The following SRM variants were observed in gnomAD, a reference collection of about 807,000 sequenced individuals.
The protein encoded by SRM is spermidine synthase.
In SRM, 14 loss-of-function variants were observed where a neutral mutation model predicts 39.3. That is an observed-to-expected ratio of 0.36 (90% CI 0.24 to 0.56). The LOEUF (loss-of-function observed/expected upper bound fraction) is 0.56. Ranked by LOEUF, SRM falls within the 20% of genes least tolerant of loss-of-function variation. The pLI is 0.86. For missense variants in SRM, 244 were observed against 409.2 expected (o/e 0.60, Z 3.48); for synonymous variants, 195 against 173.1 (o/e 1.13, Z -0.99).
chr1:11,058,708 A>T lies in SRM; in HGVS notation c.381+92T>A, dbSNP rs533317808. On this transcript the variant is annotated intron_variant, in intron 3 of 7. Coordinates refer to ENST00000376957, the MANE Select transcript of SRM (RefSeq NM_003132.3). ...TTTTCCAGATGGAGAAACAGGCCCT[A>T]CCTGCCTTGCTCGGGGGTGTGCAGC... The T allele has an allele frequency of 3.0e-5, 34 of 1,125,160 alleles. No individual in the cohort carries two copies. In the African/African-American group the frequency reaches 4.4e-4, roughly 15 times the overall value. The allele number at this position is 1,125,160 out of a possible 1,614,324, so 69.7% of individuals were successfully genotyped here.
chr1:11,059,002 C>T, intron 2 of SRM, 110 bp from the exon 3 acceptor site: 2 of 1,306,230 alleles, frequency 1.5e-6, no homozygotes, highest in Admixed American at 5.2e-5. Flanking sequence ...CTTTTTCTAC[C>T]CTCGGAAACG....
In SRM at chr1:11,056,749, G is replaced by C; in HGVS notation, c.390C>G (p.Ile130Met). Residue 130 changes from isoleucine (I) to methionine (M), a missense_variant, in exon 4 of 8, where the codon ATC becomes ATG. Ile to Met is a conservative substitution (Grantham distance 10). Transcript: ENST00000376957. ...CTGGCAGGAACTTCTTGGAGACTTGGATGACATCCTGGAGGGGATGGGAGG... is the reference window on the plus strand; with the variant it reads ...CTGGCAGGAACTTCTTGGAGACTTGCATGACATCCTGGAGGGGATGGGAGG... ...VVQCEIDEDV[I>M]QVSKKFLPGM... 6.2e-7 allele frequency: 1 copy of C among 1,614,196 alleles called. No individual in the cohort carries two copies. Among genetic ancestry groups the C allele is most frequent in the East Asian group, 2.2e-5 (1 of 44,888 alleles).
At chr1:11,055,752 A>G in intron 6 of SRM, 29 bp downstream of exon 6, 1 of 1,466,030 alleles carries the variant, frequency 6.8e-7, no homozygotes, top group Non-Finnish European at 9.3e-7. Flanking sequence ...CTTCCCCCCA[A>G]CCCCCACCCC....
In SRM at chr1:11,056,584, G is replaced by A. The variant is rs1638882001; in HGVS notation, c.535+20C>T. Reference sequence around the variant, plus strand: ...AGACCTGCAGCTGCCAGAAAACCCTGGGGCCCATCCACTGCTTACCCATGG... The same window carrying A: ...AGACCTGCAGCTGCCAGAAAACCCTAGGGCCCATCCACTGCTTACCCATGG... On this transcript the variant is annotated intron_variant, in intron 4 of 7. Coordinates refer to ENST00000376957, the MANE Select transcript of SRM (RefSeq NM_003132.3). 6.2e-7 allele frequency: 1 copy of A among 1,613,434 alleles called. No individual in the cohort carries two copies.
At chr1:11,058,086 G>A (rs1638911362) in intron 3 of SRM, among the ~76,000 whole-genome samples, 1 of 152,026 alleles carries the variant, frequency 6.6e-6, no homozygotes, top group Admixed American at 6.6e-5. Flanking sequence ...GCCATCTGAT[G>A]TCTCCTTTAA....
chr1:11,059,711 G>T, intron 1 of SRM, 66 bp downstream of exon 1: 1 of 1,505,476 alleles, frequency 6.6e-7, no homozygotes, highest in Non-Finnish European at 8.8e-7. Context: ...GGAGAGGCCC[G>T]TGAGGCGGGC....
At chr1:11,055,186 C>T in intron 6 of SRM, 102 bp from the exon 7 acceptor site, 1 of 1,428,296 alleles carries the variant, frequency 7.0e-7, no homozygotes, top group Admixed American at 2.6e-5. Flanking sequence ...GGCGTCATCT[C>T]AGCTCACTGC....
At chr1:11,056,864 A>C in intron 3 of SRM, 107 bp from the exon 4 acceptor site, 1 of 1,138,438 alleles carries the variant, frequency 8.8e-7, no homozygotes, top group Non-Finnish European at 1.3e-6. Flanking sequence ...CGCCTTGGCC[A>C]ACCCCTTCCC....
rs1232701385 is a variant in SRM at position 11,059,815 on chromosome 1, G to A, written c.129C>T (p.His43=). Residue 43 remains histidine, a synonymous_variant, in exon 1 of 8, where the codon CAC becomes CAT. Transcript: ENST00000376957. The stretch of plus-strand genomic sequence containing the variant: ...GGATGTCCTGGTAGCGCGAGCGCCG[G>A]TGGTGGAGCAGCTGCTCCACCTGCA... ...LSLQVEQLLH[H]RRSRYQDILV... is the part of the protein sequence containing the mutation. The A allele has an allele frequency of 1.9e-6, 3 of 1,577,648 alleles. No individual in the cohort carries two copies. Among genetic ancestry groups the A allele is most frequent in the Non-Finnish European group, 2.6e-6 (3 of 1,171,494 alleles).
chr1:11,057,246 T>G (rs1391555508), intron 3 of SRM, among the ~76,000 whole-genome samples: 1 of 152,080 alleles, frequency 6.6e-6, no homozygotes, highest in Non-Finnish European at 1.5e-5. Flanking sequence ...GCCGGCGGCT[T>G]GGGCTCCTCT....
chr1:11,055,457 C>T (rs1570765914), intron 6 of SRM, among the ~76,000 whole-genome samples: 2 of 151,134 alleles, frequency 1.3e-5, no homozygotes, highest in Middle Eastern at 6.8e-3. Flanking sequence ...CTCTGTTACC[C>T]AGGCTGGAAT....
chr1:11,059,573 G>GGGC (rs1638940648), intron 1 of SRM: 1 of 907,424 alleles, frequency 1.1e-6, no homozygotes, highest in Non-Finnish European at 1.6e-6. Flanking sequence ...ACGTGGAGCG[G>GGGC]GGCGCAGACT....
intron 3 of SRM, 95 bp downstream of exon 3, chr1:11,058,705 C>T (rs773893545): frequency 8.3e-6 from 9 of 1,089,570 alleles, no homozygotes; most frequent in Middle Eastern, 2.0e-4. Context: ...AGAAACAGGC[C>T]CTACCTGCCT....
Position 11,057,297 on chromosome 1 carries a change from T to A in SRM, c.382-540A>T, listed in dbSNP as rs568338034. The stretch of plus-strand genomic sequence containing the variant: ...CCTCCTTCCAGACCAAATCGCCCCA[T>A]CTGAGTGGCTTTCTTGTCGCTTCCT... On this transcript the variant is annotated intron_variant, in intron 3 of 7. Coordinates refer to ENST00000376957, the MANE Select transcript of SRM (RefSeq NM_003132.3). Among the ~76,000 whole-genome samples, 5 of 151,386 alleles carry A rather than the reference T, an allele frequency of 3.3e-5. No individual in the cohort carries two copies. In the East Asian group the frequency reaches 9.8e-4, roughly 30 times the overall value.
At chr1:11,056,879 T>A in intron 3 of SRM, 122 bp from the exon 4 acceptor site, 7 of 954,006 alleles carry the variant, frequency 7.3e-6, no homozygotes, top group Non-Finnish European at 9.2e-6. Flanking sequence ...CTTCCCTTTT[T>A]TTTATTATTT....
Position 11,059,284 on chromosome 1 carries a change from A to G in SRM, c.229T>C (p.Phe77Leu). The stretch of plus-strand genomic sequence containing the variant: ...TTGGCGATCATCTCCTGGTAGGAGA[A>G]CTCGTCTCTCTCCGTGCACTGGATG... ...GVIQCTERDEFSYQEMIANLP... is the reference protein window; with the variant it reads ...GVIQCTERDELSYQEMIANLP... The change falls in exon 2 of 8, where the codon TTC (phenylalanine) becomes CTC (leucine). Residue 77 changes from phenylalanine (F) to leucine (L), a missense_variant. Coordinates refer to ENST00000376957, the MANE Select transcript of SRM (RefSeq NM_003132.3). 3 of 1,613,464 alleles carry G rather than the reference A, an allele frequency of 1.9e-6. No homozygotes were observed. Among genetic ancestry groups the G allele is most frequent in the Non-Finnish European group, 2.5e-6 (3 of 1,179,922 alleles).
intron 1 of SRM, 200 bp downstream of exon 1, chr1:11,059,577 G>A: frequency 2.2e-6 from 2 of 902,796 alleles, no homozygotes; most frequent in Non-Finnish European, 3.3e-6. Flanking sequence ...GGAGCGGGGC[G>A]CAGACTCCGA....
chr1:11,054,976 C>T lies in SRM; in HGVS notation c.874G>A (p.Glu292Lys). The change falls in exon 7 of 8, where the codon GAG (glutamate) becomes AAG (lysine). Residue 292 changes from glutamate (E) to lysine (K), a missense_variant. Coordinates refer to ENST00000376957, the MANE Select transcript of SRM (RefSeq NM_003132.3). The surrounding 1 kb of genome is among the most constrained non-coding windows in gnomAD (Gnocchi z 4.8). Reference protein sequence around the residue: ...DVHRAAFVLPEFARKALNDVS With the variant: ...DVHRAAFVLPKFARKALNDVS ...AGGCCACCCACCTTGCGGGCAAACT[C>T]GGGCAGCACAAAGGCGGCGCGGTGC... The T allele has an allele frequency of 6.2e-7, 1 of 1,612,530 alleles. No homozygotes were observed. The highest frequency in any genetic ancestry group is 8.5e-7 in the Non-Finnish European group (1 of 1,179,918).
intron 2 of SRM, 152 bp downstream of exon 2, chr1:11,059,073 G>A: frequency 1.4e-6 from 2 of 1,425,440 alleles, no homozygotes; most frequent in South Asian, 2.6e-5. Flanking sequence ...GGATTCCGAG[G>A]CCGCGTCAGT....
Sources: gnomAD v4.1 joint callset for allele counts (sites outside exome capture counted in the v4.1 genomes callset) on GRCh38, gnomAD v4.1.1 for gene constraint, Gnocchi (gnomAD v3.1) non-coding constraint, MANE v1.5 for transcripts, NCBI Gene and HGNC (gene_info 2026-07-23, HGNC 2026-07-21) for gene names.